EPB41L4A: variants seen among roughly 807,000 people sequenced by gnomAD.
EPB41L4A encodes band 4.1-like protein 4A.
In EPB41L4A, 100 loss-of-function variants were observed where a neutral mutation model predicts 108.6. The observed-to-expected ratio is 0.92, with a 90% confidence interval of 0.78 to 1.09. EPB41L4A has a LOEUF of 1.09. EPB41L4A is among the 50% of genes least tolerant of loss of function. The pLI is 0.00. For synonymous variants in EPB41L4A, 319 were observed against 289.0 expected (o/e 1.10, Z -1.05); for missense variants, 1,030 against 842.7 (o/e 1.22, Z -2.75).
At chr5:112,384,825 TAATGGAATCAC>T (rs1760399765) in intron 1 of EPB41L4A, among the ~76,000 whole-genome samples, 2 of 151,914 alleles carry the variant, frequency 1.3e-5, no homozygotes, top group African/African-American at 2.4e-5. Flanking sequence ...AGAAAAGAAA[TAATGGAATCAC>T]AATGGAATTT....
chr5:112,281,702 A>AGG (rs1307645800), intron 2 of EPB41L4A, among the ~76,000 whole-genome samples: 1 of 152,242 alleles, frequency 6.6e-6, no homozygotes, highest in Non-Finnish European at 1.5e-5. Context: ...CCCTCAGTTG[A>AGG]GGGCAGAATG....
At chr5:112,339,062 G>T (rs567563714) in intron 1 of EPB41L4A, among the ~76,000 whole-genome samples, 1 of 152,116 alleles carries the variant, frequency 6.6e-6, no homozygotes, top group African/African-American at 2.4e-5. Context: ...AAGAGCATAT[G>T]AATGCAAGAG....
intron 17 of EPB41L4A, among the ~76,000 whole-genome samples, chr5:112,190,301 A>C (rs1761631097): frequency 6.6e-6 from 1 of 152,194 alleles, no homozygotes; most frequent in African/African-American, 2.4e-5. Flanking sequence ...AAAACTTTGT[A>C]AGTTTTAAGG....
intron 17 of EPB41L4A, among the ~76,000 whole-genome samples, chr5:112,188,347 ATTC>A (rs1310942108): frequency 5.3e-5 from 8 of 152,160 alleles, no homozygotes; most frequent in African/African-American, 1.9e-4. Context: ...TCAATAAATT[ATTC>A]TTATTTGCTC....
At chr5:112,320,395 C>T (rs1433638176) in intron 1 of EPB41L4A, among the ~76,000 whole-genome samples, 1 of 152,180 alleles carries the variant, frequency 6.6e-6, no homozygotes, top group Non-Finnish European at 1.5e-5. Context: ...AACACAAAAG[C>T]CCTCTAAAGT....
intron 1 of EPB41L4A, among the ~76,000 whole-genome samples, chr5:112,309,372 G>A (rs1368500755): frequency 1.3e-5 from 2 of 152,112 alleles, no homozygotes; most frequent in East Asian, 1.9e-4. Context: ...ACTCAGGGAC[G>A]TTAAGAACCA....
At position 112,307,391 on chromosome 5, in the gene EPB41L4A, G is replaced by C. The variant is rs1199275682; in HGVS notation, c.199C>G (p.Gln67Glu). 17 of 1,604,424 alleles carry C rather than the reference G, an allele frequency of 1.1e-5. No individual in the cohort carries two copies. The highest frequency in any genetic ancestry group is 1.5e-5 in the Non-Finnish European group (17 of 1,172,030). The change falls in exon 2 of 23, where the codon CAG (glutamine) becomes GAG (glutamate). Residue 67 changes from glutamine (Q) to glutamate (E), a missense_variant. Coordinates refer to ENST00000261486, the MANE Select transcript of EPB41L4A (RefSeq NM_022140.5). The part of the protein sequence containing the change: ...FGLRYCDRSH[Q>E]TYWLDPAKTL... ...CACAAAGTCACCTTACTCACCGTCT[G>C]ATGGCTTCTGTCACAGTAACGTAGC...
chr5:112,219,574 T>C (rs1747898818), intron 12 of EPB41L4A, among the ~76,000 whole-genome samples: 1 of 152,230 alleles, frequency 6.6e-6, no homozygotes, highest in African/African-American at 2.4e-5. Context: ...TTACTTCCCA[T>C]GACCATAAAG....
chr5:112,339,543 T>TATAGATA (rs754627802), intron 1 of EPB41L4A, among the ~76,000 whole-genome samples: 1 of 90,482 alleles, frequency 1.1e-5, no homozygotes, highest in Non-Finnish European at 2.1e-5. Flanking sequence ...TATATATATA[T>TATAGATA]TTTTTTTTTA....
chr5:112,143,776 C>T (rs983981666), exon 14 of EPB41L4A: 19 of 413,916 alleles, frequency 4.6e-5, no homozygotes, highest in Middle Eastern at 3.5e-4. Flanking sequence ...GCTTGAGTCA[C>T]GTGTTAATAC....
intron 12 of EPB41L4A, among the ~76,000 whole-genome samples, chr5:112,216,704 T>G (rs945225778): frequency 3.3e-5 from 5 of 152,192 alleles, no homozygotes; most frequent in Admixed American, 3.3e-4. Context: ...ACAATCTGAT[T>G]TGCATGACCT....
chr5:112,260,050 T>A, intron 7 of EPB41L4A, 71 bp from the exon 8 acceptor site: 1 of 1,086,636 alleles, frequency 9.2e-7, no homozygotes, highest in Non-Finnish European at 1.4e-6. Context: ...TAATTGACCA[T>A]ACAAATATAA....
At chr5:112,232,477 G>C (rs1170445357) in intron 12 of EPB41L4A, among the ~76,000 whole-genome samples, 1 of 152,164 alleles carries the variant, frequency 6.6e-6, no homozygotes, top group East Asian at 1.9e-4. Flanking sequence ...ATTCTTGTCA[G>C]TGTAGAACCA....
intron 1 of EPB41L4A, among the ~76,000 whole-genome samples, chr5:112,340,598 C>T (rs969318449): frequency 6.6e-6 from 1 of 152,164 alleles, no homozygotes; most frequent in Non-Finnish European, 1.5e-5. Context: ...GCAATAAAAA[C>T]AGATCCCTGC....
chr5:112,232,770 C>T (rs1749048684), intron 12 of EPB41L4A, among the ~76,000 whole-genome samples: 1 of 152,114 alleles, frequency 6.6e-6, no homozygotes, highest in Admixed American at 6.5e-5. Flanking sequence ...GGCTCCTGTC[C>T]CAGCCACACC....
chr5:112,387,859 C>T (rs1211858259), intron 1 of EPB41L4A, among the ~76,000 whole-genome samples: 1 of 152,026 alleles, frequency 6.6e-6, no homozygotes, highest in Non-Finnish European at 1.5e-5. Flanking sequence ...GAGAAAAAAG[C>T]CTTACATTTA....
chr5:112,164,917 C>A lies in EPB41L4A; in HGVS notation c.*73G>T. ...CAGGTCTGAGATTTGAATTAAGATA[C>A]CTATTTCACAGTTTCAAAAGTACCA... On this transcript the variant is annotated 3_prime_UTR_variant, in exon 23 of 23. Transcript: ENST00000261486. 1 of 1,371,374 alleles carries A rather than the reference C, an allele frequency of 7.3e-7. No individual in the cohort carries two copies. The highest frequency in any genetic ancestry group is 9.7e-7 in the Non-Finnish European group (1 of 1,029,858). 85.0% of individuals were successfully genotyped at this position (1,371,374 alleles called of 1,614,324 possible).
At chr5:112,365,409 A>G (rs1043410931) in intron 1 of EPB41L4A, among the ~76,000 whole-genome samples, 4 of 152,210 alleles carry the variant, frequency 2.6e-5, no homozygotes, top group African/African-American at 9.6e-5. Context: ...GCATAGGGAA[A>G]AAGTATGTAA....
At chr5:112,409,823 C>A (rs1762309153) in intron 1 of EPB41L4A, among the ~76,000 whole-genome samples, 1 of 152,094 alleles carries the variant, frequency 6.6e-6, no homozygotes, top group Non-Finnish European at 1.5e-5. Flanking sequence ...GACAGCCTTA[C>A]CCTTATTACT....
Sources: allele counts gnomAD v4.1 joint callset (sites outside exome capture counted in the v4.1 genomes callset), GRCh38; gene constraint gnomAD v4.1.1; transcripts MANE v1.5; gene names NCBI Gene and HGNC (gene_info 2026-07-23, HGNC 2026-07-21).